The following PPEF1 variants were observed in gnomAD, a reference collection of about 807,000 sequenced individuals.
PPEF1 encodes protein phosphatase with EF-hand domain 1.
In PPEF1, 12 loss-of-function variants were observed where a neutral mutation model predicts 53.3. The observed-to-expected ratio is 0.23, with a 90% confidence interval of 0.14 to 0.36. The LOEUF (loss-of-function observed/expected upper bound fraction) is 0.36. PPEF1 is among the 10% of genes least tolerant of loss of function. PPEF1 has a pLI of 1.00. For missense variants in PPEF1, 334 were observed against 490.4 expected (o/e 0.68, Z 3.01); for synonymous variants, 165 against 176.7 (o/e 0.93, Z 0.52).
chrX:18,741,638 T>A (rs2147422357), intron 3 of PPEF1, among the ~76,000 whole-genome samples: 1 of 110,374 alleles, frequency 9.1e-6, no homozygotes, highest in Admixed American at 9.8e-5. Context: ...CCATCCTGCC[T>A]TCTTGTACTG....
At chrX:18,750,081 C>A (rs1268407549) in intron 4 of PPEF1, 129 bp downstream of exon 4, 1 of 619,767 alleles carries the variant, frequency 1.6e-6, no homozygotes, top group Non-Finnish European at 2.5e-6. Flanking sequence ...AGTGAGAGCT[C>A]CCCTCTGTTA....
At chrX:18,810,074 CTCTGTG>C (rs778981536) in intron 12 of PPEF1, among the ~76,000 whole-genome samples, 8 of 57,633 alleles carry the variant, frequency 1.4e-4, no homozygotes, top group Non-Finnish European at 2.1e-4. Context: ...GGAAAAAATC[CTCTGTG>C]TGTGTGTGTG....
At chrX:18,767,146 G>A (rs2045791734) in intron 6 of PPEF1, among the ~76,000 whole-genome samples, 1 of 112,616 alleles carries the variant, frequency 8.9e-6, no homozygotes, top group African/African-American at 3.2e-5. Context: ...TGGAGCTGTG[G>A]AGTGTAGGGA....
intron 12 of PPEF1, among the ~76,000 whole-genome samples, chrX:18,811,611 ATATATTTTT>A (rs1272135885): frequency 6.7e-5 from 1 of 14,933 alleles, no homozygotes; most frequent in African/African-American, 2.8e-4. Flanking sequence ...ATATATATAT[ATATATTTTT>A]TTTTTTTTTT....
chrX:18,725,179 G>T (rs991854099), intron 1 of PPEF1, among the ~76,000 whole-genome samples: 1 of 111,204 alleles, frequency 9.0e-6, no homozygotes, highest in Non-Finnish European at 1.9e-5. Flanking sequence ...TGAGCTCATC[G>T]GGCAGGGTCT....
chrX:18,757,837 T>A, intron 5 of PPEF1, 96 bp downstream of exon 5: 1 of 579,194 alleles, frequency 1.7e-6, no homozygotes, highest in Non-Finnish European at 2.8e-6. Context: ...TGGACTGTGT[T>A]AAGGGAAAAA....
intron 6 of PPEF1, among the ~76,000 whole-genome samples, chrX:18,701,647 T>C (rs951122829): frequency 8.0e-5 from 9 of 112,188 alleles, no homozygotes; most frequent in Non-Finnish European, 1.5e-4. Context: ...AAGGGCCCCT[T>C]GCTAGGCTCT....
At chrX:18,689,882 G>A (rs1012555749) in intron 3 of PPEF1, among the ~76,000 whole-genome samples, 1 of 110,865 alleles carries the variant, frequency 9.0e-6, no homozygotes, top group Non-Finnish European at 1.9e-5. Flanking sequence ...TAGCTACTCC[G>A]GGTCACGAGC....
intron 12 of PPEF1, among the ~76,000 whole-genome samples, chrX:18,809,091 A>ATATCTATCTATCTGTCTATC: frequency 1.0e-5 from 1 of 96,804 alleles, no homozygotes; most frequent in African/African-American, 4.3e-5. Context: ...ATATCACATT[A>ATATCTATCTATCTGTCTATC]TATCTATCTA....
intron 12 of PPEF1, among the ~76,000 whole-genome samples, chrX:18,813,355 G>C (rs1270263935): frequency 9.9e-6 from 1 of 101,450 alleles, no homozygotes; most frequent in Non-Finnish European, 2.0e-5. Context: ...CTCCAGCCTG[G>C]GCCACGGAGC....
At chrX:18,694,943 G>C (rs1929629990) in intron 4 of PPEF1, among the ~76,000 whole-genome samples, 1 of 111,903 alleles carries the variant, frequency 8.9e-6, no homozygotes, top group Admixed American at 9.5e-5. Context: ...CATGTTACTT[G>C]TTTATTGCTG....
upstream of PPEF1, among the ~76,000 whole-genome samples, chrX:18,705,401 C>T (rs914488426): frequency 9.0e-6 from 1 of 111,645 alleles, no homozygotes; most frequent in Non-Finnish European, 1.9e-5. Flanking sequence ...AAGGAAGACA[C>T]GAAAGAAATG....
intron 5 of PPEF1, among the ~76,000 whole-genome samples, chrX:18,698,386 AAAATAAC>A (rs1209305462): frequency 8.9e-6 from 1 of 112,577 alleles, no homozygotes; most frequent in Non-Finnish European, 1.9e-5. Context: ...GCTGGCCATT[AAAATAAC>A]AACCTAAATC....
chrX:18,791,703 C>G (rs1035255036), intron 10 of PPEF1, among the ~76,000 whole-genome samples: 8 of 111,306 alleles, frequency 7.2e-5, no homozygotes, highest in Admixed American at 4.8e-4. Flanking sequence ...ATTGCCTTGT[C>G]TAGAACCTCC....
chrX:18,696,560 A>C (rs951838948), intron 4 of PPEF1, among the ~76,000 whole-genome samples: 2 of 111,983 alleles, frequency 1.8e-5, no homozygotes, highest in African/African-American at 6.5e-5. Context: ...TATTGTGTAC[A>C]TGATCAAATA....
intron 3 of PPEF1, among the ~76,000 whole-genome samples, chrX:18,740,873 A>T (rs2045138474): frequency 9.1e-6 from 1 of 109,303 alleles, no homozygotes; most frequent in South Asian, 3.9e-4. Context: ...TCCAAGACAG[A>T]TGCCAGACTT....
At chrX:18,794,728 C>T (rs56226817) in intron 10 of PPEF1, among the ~76,000 whole-genome samples, 2,073 of 112,329 alleles carry the variant, frequency 0.018, 19 homozygotes, top group Non-Finnish European at 0.032. Flanking sequence ...GCTTCTGTAA[C>T]GCAGAGCTGA....
exon 2 of PPEF1, among the ~76,000 whole-genome samples, chrX:18,684,666 G>A (rs1341453424): frequency 2.9e-5 from 3 of 103,808 alleles, no homozygotes; most frequent in Non-Finnish European, 5.9e-5. Context: ...TCACTCTGTC[G>A]CCCAGGCTGG....
chrX:18,766,730 T>G (rs894648989), intron 6 of PPEF1, among the ~76,000 whole-genome samples: 3 of 112,019 alleles, frequency 2.7e-5, no homozygotes, highest in Non-Finnish European at 3.8e-5. Context: ...GATGGAAAAG[T>G]CAGACATAAT....
Sources: allele counts gnomAD v4.1 joint callset (sites outside exome capture counted in the v4.1 genomes callset), GRCh38; gene constraint gnomAD v4.1.1; transcripts MANE v1.5; gene names NCBI Gene and HGNC (gene_info 2026-07-23, HGNC 2026-07-21).